PPP2R2B: variants seen among roughly 807,000 people sequenced by gnomAD.
PPP2R2B encodes the protein protein phosphatase 2 regulatory subunit Bbeta, also known as serine/threonine-protein phosphatase 2A 55 kDa regulatory subunit B beta isoform.
PPP2R2B carries 5 observed loss-of-function variants against 46.0 expected under a neutral mutation model. The observed-to-expected ratio is 0.11, with a 90% confidence interval of 0.06 to 0.23. The LOEUF is 0.23. PPP2R2B is among the 10% of genes least tolerant of loss of function. The pLI is 1.00. For synonymous variants in PPP2R2B, 215 were observed against 206.7 expected, an observed-to-expected ratio of 1.04 and a Z score of -0.34; for missense variants, 367 against 575.0, an observed-to-expected ratio of 0.64 and a Z score of 3.70.
chr5:146,803,059 G>T (rs1035814197), intron 2 of PPP2R2B, among the ~76,000 whole-genome samples: 2 of 152,178 alleles, frequency 1.3e-5, no homozygotes, highest in Non-Finnish European at 2.9e-5. Context: ...TTCAGCTTAT[G>T]AATTGTTCCC....
chr5:147,019,510 T>G (rs2151884022), intron 1 of PPP2R2B, among the ~76,000 whole-genome samples: 1 of 152,282 alleles, frequency 6.6e-6, no homozygotes, highest in African/African-American at 2.4e-5. Flanking sequence ...CACAATGACC[T>G]GAATGAAAGG....
chr5:146,594,206 GT>G (rs1303900501), intron 8 of PPP2R2B, among the ~76,000 whole-genome samples: 1 of 152,184 alleles, frequency 6.6e-6, no homozygotes, highest in Non-Finnish European at 1.5e-5. Flanking sequence ...TTCTTTCCTG[GT>G]TTCTCTTTTC....
At chr5:146,933,489 GA>G (rs879620426) in intron 1 of PPP2R2B, among the ~76,000 whole-genome samples, 1 of 151,658 alleles carries the variant, frequency 6.6e-6, no homozygotes, top group African/African-American at 2.4e-5. Flanking sequence ...TGATTCTTGA[GA>G]AAAAAACAAG....
intron 5 of PPP2R2B, among the ~76,000 whole-genome samples, chr5:146,687,572 G>C (rs1351948231): frequency 6.6e-6 from 1 of 152,120 alleles, no homozygotes; most frequent in African/African-American, 2.4e-5. Context: ...CAAGGGACTA[G>C]GTGAGAAAAC....
At chr5:146,885,711 A>G (rs1207147277) in intron 1 of PPP2R2B, among the ~76,000 whole-genome samples, 1 of 152,250 alleles carries the variant, frequency 6.6e-6, no homozygotes, top group Non-Finnish European at 1.5e-5. Context: ...CAAAAAGTGG[A>G]AACAACCCAA....
chr5:146,620,807 C>A (rs140358531), intron 7 of PPP2R2B, among the ~76,000 whole-genome samples: 1 of 152,302 alleles, frequency 6.6e-6, no homozygotes, highest in East Asian at 1.9e-4. Context: ...TAGCTTTGTG[C>A]AGTTACTCCA....
intron 5 of PPP2R2B, among the ~76,000 whole-genome samples, chr5:146,657,902 T>C (rs1776437113): frequency 6.6e-6 from 1 of 152,184 alleles, no homozygotes; most frequent in Non-Finnish European, 1.5e-5. Flanking sequence ...ACAGTATATA[T>C]CAAGGTCATG....
rs79800841 is a variant in PPP2R2B, at chr5:146,708,335, C to T, written c.71-7193G>A. Among the ~76,000 whole-genome samples, 868 of 144,468 alleles carry T rather than the reference C, an allele frequency of 6.0e-3. 22 individuals carry two copies. Among genetic ancestry groups the T allele is most frequent in the East Asian group, 0.029 (141 of 4,930 alleles). 94.8% of individuals were successfully genotyped at this position (144,468 alleles called of 152,430 possible). A position where few individuals can be genotyped will look rare whatever the true frequency, so the allele number is the denominator to read the frequency against. On this transcript the variant is annotated intron_variant, in intron 2 of 9. Coordinates refer to ENST00000394411, the MANE Select transcript of PPP2R2B (RefSeq NM_181675.4). ...TCATGCCACTGCACTCACACCTGGG[C>T]GACAGAGCCAGACTTGGTCTCAAAA...
At chr5:146,908,969 G>A (rs1313691796) in intron 1 of PPP2R2B, among the ~76,000 whole-genome samples, 1 of 152,122 alleles carries the variant, frequency 6.6e-6, no homozygotes, top group Non-Finnish European at 1.5e-5. Flanking sequence ...CTCAGATCGT[G>A]TTTTTCATCC....
intron 7 of PPP2R2B, among the ~76,000 whole-genome samples, chr5:146,602,012 C>T (rs1451113984): frequency 6.6e-6 from 1 of 152,188 alleles, no homozygotes; most frequent in Admixed American, 6.5e-5. Context: ...TAGAGTATAT[C>T]TCGATATTTC....
intron 2 of PPP2R2B, among the ~76,000 whole-genome samples, chr5:146,733,631 C>A (rs1363513363): frequency 1.3e-5 from 2 of 152,102 alleles, no homozygotes. Flanking sequence ...GACTAACCTC[C>A]CTCCAAGTCT....
intron 1 of PPP2R2B, among the ~76,000 whole-genome samples, chr5:146,966,855 C>T (rs182005758): frequency 2.6e-5 from 4 of 152,294 alleles, no homozygotes; most frequent in African/African-American, 9.6e-5. Flanking sequence ...CTCATTTAAT[C>T]TCTATAATCA....
At chr5:147,020,723 T>A (rs1329381729) in intron 1 of PPP2R2B, among the ~76,000 whole-genome samples, 5 of 152,178 alleles carry the variant, frequency 3.3e-5, no homozygotes, top group Non-Finnish European at 7.4e-5. Flanking sequence ...AAGAATCTGG[T>A]ATTACTATAC....
chr5:147,054,717 A>G, intron 1 of PPP2R2B: 1 of 456,152 alleles, frequency 2.2e-6, no homozygotes, highest in South Asian at 1.5e-5. Flanking sequence ...GCTCAGTTCC[A>G]AGAGAGTGTG....
At chr5:146,672,621 A>G (rs1777442201) in intron 5 of PPP2R2B, among the ~76,000 whole-genome samples, 1 of 152,186 alleles carries the variant, frequency 6.6e-6, no homozygotes, top group Admixed American at 6.5e-5. Flanking sequence ...AGAAACTGAG[A>G]TGGATAAAGA....
chr5:146,861,539 C>T (rs190937400), intron 2 of PPP2R2B, among the ~76,000 whole-genome samples: 2 of 152,202 alleles, frequency 1.3e-5, no homozygotes, highest in Admixed American at 6.5e-5. Flanking sequence ...GGTGAATATT[C>T]GCTACATTAA....
intron 7 of PPP2R2B, among the ~76,000 whole-genome samples, chr5:146,617,512 C>G (rs1163801254): frequency 1.3e-5 from 2 of 152,066 alleles, no homozygotes; most frequent in South Asian, 4.2e-4. Context: ...AAGACGTCAA[C>G]AAGTTCTAGT....
intron 7 of PPP2R2B, among the ~76,000 whole-genome samples, chr5:146,623,182 T>G (rs1333737192): frequency 2.0e-5 from 3 of 152,206 alleles, no homozygotes; most frequent in Non-Finnish European, 4.4e-5. Flanking sequence ...CAAAAGATTC[T>G]CAATAAACAG....
rs903680422 is a variant in PPP2R2B, at chr5:146,587,914, C to T, written c.*2033G>A. 11 of 152,232 alleles carry T rather than the reference C, an allele frequency of 7.2e-5. No individual in the cohort carries two copies. The highest frequency in any genetic ancestry group is 3.3e-4 in the Admixed American group (5 of 15,290). 9.4% of individuals were successfully genotyped at this position (152,232 alleles called of 1,614,324 possible). On this transcript the variant is annotated 3_prime_UTR_variant, in exon 10 of 10. Transcript: ENST00000394411. The stretch of plus-strand genomic sequence containing the variant: ...TTGAGATACAATGATTGGTCCCAAC[C>T]CCCGACGTGGTACAGACAGAGGAGC...
Sources: gnomAD v4.1 joint callset for allele counts (sites outside exome capture counted in the v4.1 genomes callset) on GRCh38, gnomAD v4.1.1 for gene constraint, MANE v1.5 for transcripts, NCBI Gene and HGNC (gene_info 2026-07-23, HGNC 2026-07-21) for gene names.